The following RIMBP2 variants were observed in gnomAD, a reference collection of about 807,000 sequenced individuals.
RIMBP2 encodes RIMS binding protein 2, also known as RIMS-binding protein 2.
RIMBP2 carries 48 observed loss-of-function variants against 118.6 expected under a neutral mutation model. That is an observed-to-expected ratio of 0.40 (90% CI 0.32 to 0.51). The LOEUF (loss-of-function observed/expected upper bound fraction) is 0.51. RIMBP2 is among the 20% of genes least tolerant of loss of function. RIMBP2 has a pLI of 0.41. For synonymous variants in RIMBP2, 762 were observed against 742.9 expected, an observed-to-expected ratio of 1.03 and a Z score of -0.42; for missense variants, 1,551 against 1,768.3, an observed-to-expected ratio of 0.88 and a Z score of 2.20.
intron 2 of RIMBP2, among the ~76,000 whole-genome samples, chr12:130,580,298 C>T (rs12228745): frequency 0.025 from 3,811 of 152,204 alleles, 217 homozygotes; most frequent in East Asian, 0.17. Flanking sequence ...AAGGGCGGGG[C>T]CAGGTGGAGA....
At chr12:130,684,628 G>C (rs563002772) in intron 1 of RIMBP2, among the ~76,000 whole-genome samples, 3 of 152,202 alleles carry the variant, frequency 2.0e-5, no homozygotes, top group Non-Finnish European at 4.4e-5. Flanking sequence ...AGACTTAGGA[G>C]TGTCCTGATA....
At chr12:130,558,921 C>G (rs144172489) in intron 2 of RIMBP2, among the ~76,000 whole-genome samples, 139 of 152,270 alleles carry the variant, frequency 9.1e-4, no homozygotes, top group African/African-American at 2.9e-3. Flanking sequence ...TTGAAATTGT[C>G]AAGTAGGTTA....
At chr12:130,596,991 G>C (rs2059599719) in intron 2 of RIMBP2, among the ~76,000 whole-genome samples, 1 of 152,180 alleles carries the variant, frequency 6.6e-6, no homozygotes, top group Non-Finnish European at 1.5e-5. Flanking sequence ...AGATAGTTTT[G>C]CTGGGGATTT....
At position 130,396,414 on chromosome 12, in the gene RIMBP2, AT is replaced by A. The variant is rs1170811706; in HGVS notation, c.*946del. 1.3e-5 allele frequency: 2 copies of A among 152,678 alleles called. No individual in the cohort carries two copies. Among genetic ancestry groups the A allele is most frequent in the Non-Finnish European group, 2.9e-5 (2 of 68,046 alleles). The allele number at this position is 152,678 out of a possible 1,614,324, so 9.5% of individuals were successfully genotyped here. A position where few individuals can be genotyped will look rare whatever the true frequency, so the allele number is the denominator to read the frequency against. ...GGACAAGAATTACAAAAGAGTAACC[AT>A]CAAATACATCTGCCAGCAACTTTGT... On this transcript the variant is annotated 3_prime_UTR_variant, in exon 23 of 23. Transcript: ENST00000690449.
At chr12:130,483,529 G>A (rs1343061201) in intron 4 of RIMBP2, among the ~76,000 whole-genome samples, 3 of 152,208 alleles carry the variant, frequency 2.0e-5, no homozygotes, top group Non-Finnish European at 4.4e-5. Flanking sequence ...CGGCTGAGAA[G>A]GCCAAGGAAG....
At position 130,442,082 on chromosome 12, in the gene RIMBP2, C is replaced by T; in HGVS notation, c.1270G>A (p.Ala424Thr). The change falls in exon 11 of 23, where the codon GCC (alanine) becomes ACC (threonine). Residue 424 changes from alanine to threonine, a missense_variant. Coordinates refer to ENST00000690449, the MANE Select transcript of RIMBP2 (RefSeq NM_001393629.1). This position sits in a 1 kb window ranked among gnomAD's most constrained non-coding sequence, Gnocchi z 6.9. ...TTGGTGGGTAGCCAGGAGAGCTGGGCGGAGATCTGCGTGATGTTGTCCACC... is the reference window on the plus strand; with the variant it reads ...TTGGTGGGTAGCCAGGAGAGCTGGGTGGAGATCTGCGTGATGTTGTCCACC... ...LRVDNITQIS[A>T]QLSWLPTNSN... 6.2e-7 allele frequency: 1 copy of T among 1,614,142 alleles called. No homozygotes were observed. Among genetic ancestry groups the T allele is most frequent in the Non-Finnish European group, 8.5e-7 (1 of 1,180,020 alleles).
chr12:130,499,569 C>T (rs189877407), intron 4 of RIMBP2, among the ~76,000 whole-genome samples: 324 of 152,260 alleles, frequency 2.1e-3, no homozygotes, highest in African/African-American at 7.4e-3. Flanking sequence ...TAACTATTTC[C>T]CCGTGTTCAT....
At chr12:130,713,216 AG>A (rs2136913296) in intron 1 of RIMBP2, among the ~76,000 whole-genome samples, 1 of 26,598 alleles carries the variant, frequency 3.8e-5, no homozygotes, top group South Asian at 1.1e-3. Context: ...GAAGATAGGA[AG>A]GAAGGAAGGA....
rs185533784 is a variant in RIMBP2 at position 130,688,831 on chromosome 12, A to G, written c.-352+27391T>C. Among the ~76,000 whole-genome samples the G allele has an allele frequency of 6.6e-6, 1 of 152,358 alleles. No homozygotes were observed. Among genetic ancestry groups the G allele is most frequent in the East Asian group, 1.9e-4 (1 of 5,172 alleles). ...CAACTGCTCAGCTGAAACGTTTCGA[A>G]CCAAGTCTAAACTCTGCAAAACGCT... On this transcript the variant is annotated intron_variant, in intron 1 of 22. Transcript: ENST00000690449. This position sits in a 1 kb window ranked among gnomAD's most constrained non-coding sequence, Gnocchi z 4.7.
chr12:130,608,934 C>T (rs1175015767), intron 2 of RIMBP2, among the ~76,000 whole-genome samples: 1 of 152,056 alleles, frequency 6.6e-6, no homozygotes, highest in Non-Finnish European at 1.5e-5. Flanking sequence ...CTCCCCATGG[C>T]CCCCAGCACC....
intron 2 of RIMBP2, among the ~76,000 whole-genome samples, chr12:130,580,863 C>G (rs1005472140): frequency 1.3e-5 from 2 of 151,962 alleles, no homozygotes; most frequent in African/African-American, 4.8e-5. Context: ...TCGCTTGAAC[C>G]CTGGGGGCGG....
At position 130,460,820 on chromosome 12, in the gene RIMBP2, G is replaced by C. The variant is rs549463329; in HGVS notation, c.154-4120C>G. Among the ~76,000 whole-genome samples, 3 of 152,278 alleles carry C rather than the reference G, an allele frequency of 2.0e-5. No homozygotes were observed. In the East Asian group the frequency reaches 5.8e-4, roughly 29 times the overall value. On this transcript the variant is annotated intron_variant, in intron 6 of 22. Coordinates refer to ENST00000690449, the MANE Select transcript of RIMBP2 (RefSeq NM_001393629.1). Reference sequence around the variant, plus strand: ...GCGTTCTGAGGGGGTGTCGGGAGCAGGAGGCCCACGGGCAGCAGTGACGGG... The same window carrying C: ...GCGTTCTGAGGGGGTGTCGGGAGCACGAGGCCCACGGGCAGCAGTGACGGG...
At chr12:130,484,187 C>T (rs983495199) in intron 4 of RIMBP2, among the ~76,000 whole-genome samples, 2 of 152,188 alleles carry the variant, frequency 1.3e-5, no homozygotes, top group Non-Finnish European at 2.9e-5. Flanking sequence ...GAAAGCCCCT[C>T]GGTGGGGAGT....
intron 1 of RIMBP2, among the ~76,000 whole-genome samples, chr12:130,650,170 G>C (rs2063171011): frequency 6.6e-6 from 1 of 152,136 alleles, no homozygotes; most frequent in African/African-American, 2.4e-5. Context: ...CACCAAGGGG[G>C]CTTGGTGGGC....
chr12:130,479,562 T>C (rs566975365), intron 4 of RIMBP2, among the ~76,000 whole-genome samples: 21 of 151,926 alleles, frequency 1.4e-4, no homozygotes, highest in Non-Finnish European at 2.6e-4. Context: ...AGTGGACGCC[T>C]GTTCAGAATG....
chr12:130,621,413 G>C lies in RIMBP2; in HGVS notation c.-217+6909C>G, dbSNP rs1379551534. Among the ~76,000 whole-genome samples the C allele has an allele frequency of 6.6e-6, 1 of 152,162 alleles. No individual in the cohort carries two copies. Among genetic ancestry groups the C allele is most frequent in the Non-Finnish European group, 1.5e-5 (1 of 68,030 alleles). On this transcript the variant is annotated intron_variant, in intron 2 of 22. Transcript: ENST00000690449. The surrounding 1 kb of genome is among the most constrained non-coding windows in gnomAD (Gnocchi z 6.6). ...GACTGACGCCAACACAGAGGAAAAG[G>C]ATGGAGATTCCCAAAACATCGGCAG...
At chr12:130,568,044 A>G (rs2057357797) in intron 2 of RIMBP2, among the ~76,000 whole-genome samples, 1 of 152,178 alleles carries the variant, frequency 6.6e-6, no homozygotes, top group South Asian at 2.1e-4. Context: ...TGTTTCCTCC[A>G]AAAGATAGCC....
intron 2 of RIMBP2, among the ~76,000 whole-genome samples, chr12:130,589,809 A>G (rs1232005261): frequency 6.6e-6 from 1 of 152,176 alleles, no homozygotes; most frequent in Non-Finnish European, 1.5e-5. Flanking sequence ...CCTGATTCCC[A>G]GTGAAAATTA....
intron 2 of RIMBP2, among the ~76,000 whole-genome samples, chr12:130,595,194 T>C (rs1034265758): frequency 2.0e-5 from 3 of 152,176 alleles, no homozygotes; most frequent in Non-Finnish European, 4.4e-5. Flanking sequence ...ACCCATGAGA[T>C]TGAACCATCT....
Sources: gnomAD v4.1 joint callset for allele counts (sites outside exome capture counted in the v4.1 genomes callset) on GRCh38, gnomAD v4.1.1 for gene constraint, Gnocchi (gnomAD v3.1) non-coding constraint, MANE v1.5 for transcripts, NCBI Gene and HGNC (gene_info 2026-07-23, HGNC 2026-07-21) for gene names.